Variants in FLT1 observed in about 807,000 individuals in gnomAD.
FLT1 encodes vascular endothelial growth factor receptor 1.
A neutral mutation model predicts 156.3 loss-of-function variants in FLT1; 49 were observed. The ratio of observed to expected loss-of-function variants is 0.31; its 90% CI spans 0.25 to 0.40. The LOEUF (loss-of-function observed/expected upper bound fraction) is 0.40. Among genes scored for constraint, FLT1 ranks in the 10% least tolerant of loss-of-function variants. The pLI, the probability that FLT1 is intolerant of heterozygous loss-of-function variation, is 1.00. For missense variants in FLT1, 1,322 were observed against 1,637.2 expected, an observed-to-expected ratio of 0.81 and a Z score of 3.32; for synonymous variants, 594 against 583.8, an observed-to-expected ratio of 1.02 and a Z score of -0.25.
intron 22 of FLT1, 62 bp from the exon 23 acceptor site, chr13:28,321,647 C>T (rs2138830304): frequency 6.5e-7 from 1 of 1,530,854 alleles, no homozygotes; most frequent in Non-Finnish European, 9.0e-7. Flanking sequence ...ATTTCCTACA[C>T]CTGTCAGTGT....
At chr13:28,389,034 G>C (rs1439920043) in intron 13 of FLT1, 3 of 1,064,418 alleles carry the variant, frequency 2.8e-6, no homozygotes, top group Non-Finnish European at 3.4e-6. Context: ...GATTTGGATG[G>C]ACTCTTATAA....
Position 28,434,127 on chromosome 13 carries a change from C to A in FLT1, c.607G>T (p.Gly203Trp), listed in dbSNP as rs2137552842. Residue 203 changes from glycine to tryptophan, a missense_variant, in exon 5 of 30, where the codon GGG becomes TGG. Physicochemically the swap from Gly to Trp is radical, Grantham distance 184. This residue lies in a region of FLT1 where 991 missense variants were observed against 1,254.8 expected (regional missense o/e 0.79). Coordinates refer to ENST00000282397, the MANE Select transcript of FLT1 (RefSeq NM_002019.4). The part of the protein sequence containing the change: ...IISNATYKEI[G>W]LLTCEATVNG... ...ACTGTTGCTTCACAGGTCAGAAGCCCTATTTCTTTGTACGTTGCATTTGAT... is the reference window on the plus strand; with the variant it reads ...ACTGTTGCTTCACAGGTCAGAAGCCATATTTCTTTGTACGTTGCATTTGAT... 6.2e-7 allele frequency: 1 copy of A among 1,614,068 alleles called. No individual in the cohort carries two copies. The highest frequency in any genetic ancestry group is 8.5e-7 in the Non-Finnish European group (1 of 1,179,986).
intron 14 of FLT1, among the ~76,000 whole-genome samples, chr13:28,378,973 T>A (rs1282578639): frequency 6.6e-6 from 1 of 151,992 alleles, no homozygotes; most frequent in Non-Finnish European, 1.5e-5. Flanking sequence ...ATGACATGAG[T>A]TGTAAATAAA....
At chr13:28,306,653 C>G (rs113985560) in intron 29 of FLT1, 25 bp downstream of exon 29, 83 of 1,537,678 alleles carry the variant, frequency 5.4e-5, no homozygotes, top group Non-Finnish European at 7.1e-5. Flanking sequence ...ATCAACTGAT[C>G]ACAGAAAAGA....
intron 3 of FLT1, among the ~76,000 whole-genome samples, chr13:28,449,185 A>G (rs555984222): frequency 3.9e-5 from 6 of 152,178 alleles, no homozygotes; most frequent in Non-Finnish European, 8.8e-5. Context: ...CTGGAGGCTA[A>G]GATAGGAGGA....
rs149912123 is a variant in FLT1 at position 28,323,417 on chromosome 13, C to T, written c.2797-471G>A. Among the ~76,000 whole-genome samples the T allele has an allele frequency of 8.3e-4, 126 of 152,098 alleles. 1 individual carries two copies. The highest frequency in any genetic ancestry group is 1.2e-3 in the African/African-American group (50 of 41,486). ...CTGTAATCCCAGCACTTTGGGAGGC[C>T]GAGCCAGGTGAATCACGTGAGGTCG... On this transcript the variant is annotated intron_variant, in intron 20 of 29. Coordinates refer to ENST00000282397, the MANE Select transcript of FLT1 (RefSeq NM_002019.4).
intron 15 of FLT1, 177 bp from the exon 16 acceptor site, chr13:28,345,728 C>T (rs1872540017): frequency 6.6e-6 from 4 of 610,498 alleles, no homozygotes; most frequent in African/African-American, 5.5e-5. Flanking sequence ...AGGCAGTATA[C>T]ATGAACTCAC....
chr13:28,386,976 C>T (rs1593732305), intron 13 of FLT1: 3 of 1,042,500 alleles, frequency 2.9e-6, no homozygotes, highest in East Asian at 5.7e-5. Flanking sequence ...GAATACAGAG[C>T]CCACAACACT....
At chr13:28,365,752 T>C (rs1438834040) in intron 14 of FLT1, among the ~76,000 whole-genome samples, 1 of 152,246 alleles carries the variant, frequency 6.6e-6, no homozygotes, top group Non-Finnish European at 1.5e-5. Context: ...GTCATTACCA[T>C]GTGCTTGTTT....
intron 19 of FLT1, among the ~76,000 whole-genome samples, chr13:28,329,009 T>C (rs1406170329): frequency 6.6e-6 from 1 of 152,176 alleles, no homozygotes; most frequent in African/African-American, 2.4e-5. Flanking sequence ...CTCTGCTACC[T>C]CTGTTGAGAG....
At chr13:28,336,967 C>G (rs936136797) in intron 17 of FLT1, among the ~76,000 whole-genome samples, 1 of 151,864 alleles carries the variant, frequency 6.6e-6, no homozygotes, top group Non-Finnish European at 1.5e-5. Flanking sequence ...AGGCTGGTCT[C>G]GAACTCCTGA....
intron 14 of FLT1, among the ~76,000 whole-genome samples, chr13:28,373,865 C>T (rs907434618): frequency 3.3e-5 from 5 of 152,110 alleles, no homozygotes; most frequent in African/African-American, 1.2e-4. Context: ...GTCCCCAAAT[C>T]TCTTTGTATC....
chr13:28,427,623 A>G, intron 9 of FLT1, 129 bp downstream of exon 9: 1 of 853,210 alleles, frequency 1.2e-6, no homozygotes. Flanking sequence ...ACTTAACGTT[A>G]AGTGTTTTTT....
chr13:28,457,271 T>A (rs1879319859), intron 3 of FLT1, among the ~76,000 whole-genome samples: 1 of 152,176 alleles, frequency 6.6e-6, no homozygotes, highest in African/African-American at 2.4e-5. Flanking sequence ...AATCTGTTAA[T>A]GAATGCAAAG....
At chr13:28,483,181 T>C (rs923045367) in intron 1 of FLT1, among the ~76,000 whole-genome samples, 1 of 152,220 alleles carries the variant, frequency 6.6e-6, no homozygotes, top group Non-Finnish European at 1.5e-5. Context: ...AGTTAAACAA[T>C]GTTTTCCAAA....
intron 14 of FLT1, among the ~76,000 whole-genome samples, chr13:28,367,036 G>T (rs1403704490): frequency 6.6e-6 from 1 of 152,188 alleles, no homozygotes; most frequent in East Asian, 1.9e-4. Context: ...CATGTAGAGG[G>T]TGGAGGAGGG....
chr13:28,347,995 T>C (rs1872620168), intron 15 of FLT1, among the ~76,000 whole-genome samples: 1 of 152,190 alleles, frequency 6.6e-6, no homozygotes, highest in Non-Finnish European at 1.5e-5. Flanking sequence ...TTCCAGCCTT[T>C]ACAAGCGCAG....
intron 4 of FLT1, among the ~76,000 whole-genome samples, chr13:28,436,845 G>T (rs1467997111): frequency 6.6e-6 from 1 of 152,174 alleles, no homozygotes; most frequent in Non-Finnish European, 1.5e-5. Context: ...TAACAGCAAT[G>T]TGAGGTGGTA....
chr13:28,368,811 T>C (rs1392559208), intron 14 of FLT1: 1 of 565,126 alleles, frequency 1.8e-6, no homozygotes, highest in Non-Finnish European at 3.1e-6. Context: ...TTCAAGCGAT[T>C]CTTCTGCCTC....
Sources: gnomAD v4.1 joint callset for allele counts (sites outside exome capture counted in the v4.1 genomes callset) on GRCh38, gnomAD v4.1.1 for gene constraint, gnomAD v4.1.1 regional missense constraint, MANE v1.5 for transcripts, NCBI Gene and HGNC (gene_info 2026-07-23, HGNC 2026-07-21) for gene names.